Variants in PCDHGA10 observed in about 807,000 individuals in gnomAD.
PCDHGA10 encodes the protein protocadherin gamma subfamily A, 10, also known as protocadherin gamma-A10.
A neutral mutation model predicts 59.5 loss-of-function variants in PCDHGA10; 42 were observed. The ratio of observed to expected loss-of-function variants is 0.71; its 90% CI spans 0.55 to 0.91. The LOEUF (loss-of-function observed/expected upper bound fraction) is 0.91. Ranked by LOEUF, PCDHGA10 falls within the 40% of genes least tolerant of loss-of-function variation. The probability of loss-of-function intolerance (pLI) is 0.00; values close to 1 mark genes in which losing one functional copy is unlikely to be tolerated. For missense variants in PCDHGA10, 1,111 were observed against 1,198.2 expected (o/e 0.93, Z 1.07); for synonymous variants, 511 against 517.2 (o/e 0.99, Z 0.16).
chr5:141,428,188 G>A (rs1023078587), intron 1 of PCDHGA10: 3 of 1,433,350 alleles, frequency 2.1e-6, no homozygotes, highest in Admixed American at 1.8e-5. Flanking sequence ...GACAGCCGCC[G>A]CTCTCTGCGC....
At chr5:141,438,210 A>G (rs1228726792) in intron 1 of PCDHGA10, among the ~76,000 whole-genome samples, 2 of 152,188 alleles carry the variant, frequency 1.3e-5, no homozygotes, top group Non-Finnish European at 2.9e-5. Flanking sequence ...ACCATATGGG[A>G]AGGGCTCTGG....
At chr5:141,449,202 C>T (rs77980623) in intron 1 of PCDHGA10, among the ~76,000 whole-genome samples, 7,411 of 152,148 alleles carry the variant, frequency 0.049, 284 homozygotes, top group African/African-American at 0.1. Context: ...AGTGTTAATT[C>T]TAACTTTCTG....
intron 1 of PCDHGA10, among the ~76,000 whole-genome samples, chr5:141,474,082 C>CA (rs1449032579): frequency 1.3e-5 from 2 of 152,064 alleles, no homozygotes; most frequent in African/African-American, 4.8e-5. Context: ...AAACAAAAAC[C>CA]AAAAAACAAA....
At chr5:141,417,943 G>A (rs772925118) in intron 1 of PCDHGA10, 2 of 1,613,194 alleles carry the variant, frequency 1.2e-6, no homozygotes, top group Admixed American at 1.7e-5. Flanking sequence ...TCTACCCCAC[G>A]CTGTGTGAGC....
Position 141,417,818 on chromosome 5 carries a change from C to T in PCDHGA10, c.2436+2207C>T, listed in dbSNP as rs59981184. 5.7e-4 allele frequency: 859 copies of T among 1,512,530 alleles called. 1 individual carries two copies. The African/African-American group carries it at 0.011, about 19-fold the overall frequency. 93.7% of individuals were successfully genotyped at this position (1,512,530 alleles called of 1,614,324 possible). On this transcript the variant is annotated intron_variant, in intron 1 of 3. Coordinates refer to ENST00000398610, the MANE Select transcript of PCDHGA10 (RefSeq NM_018913.3). ...TTTAGCGCGGTAGAGTGCACTTTCTCCAACTGGAAAAGCGGGGACCCAGCG... is the reference window on the plus strand; with the variant it reads ...TTTAGCGCGGTAGAGTGCACTTTCTTCAACTGGAAAAGCGGGGACCCAGCG...
At chr5:141,416,215 A>G (rs969061407) in intron 1 of PCDHGA10, 1 of 152,400 alleles carries the variant, frequency 6.6e-6, no homozygotes, top group Non-Finnish European at 1.5e-5. Flanking sequence ...ATAACAATGT[A>G]TGCTTAGATT....
At chr5:141,421,889 C>T (rs1280668349) in intron 1 of PCDHGA10, 5 of 1,613,574 alleles carry the variant, frequency 3.1e-6, no homozygotes, top group African/African-American at 1.3e-5. Flanking sequence ...GGAGGCGATC[C>T]CATCCGAAAG....
intron 1 of PCDHGA10, among the ~76,000 whole-genome samples, chr5:141,472,648 C>G (rs762736307): frequency 1.3e-5 from 2 of 151,864 alleles, no homozygotes; most frequent in African/African-American, 4.8e-5. Flanking sequence ...TGTGTTGAAT[C>G]AGTATATAAA....
Position 141,421,056 on chromosome 5 carries a change from A to G in PCDHGA10, c.2436+5445A>G, listed in dbSNP as rs1378326708. On this transcript the variant is annotated intron_variant, in intron 1 of 3. Coordinates refer to ENST00000398610, the MANE Select transcript of PCDHGA10 (RefSeq NM_018913.3). ...TCCCTCCCTCCCCCGCCTCTACCACACAAAGCGGAATGAGATGGATACTCA... is the reference window on the plus strand; with the variant it reads ...TCCCTCCCTCCCCCGCCTCTACCACGCAAAGCGGAATGAGATGGATACTCA... 5 of 576,490 alleles carry G rather than the reference A, an allele frequency of 8.7e-6. No individual in the cohort carries two copies. In the East Asian group the frequency reaches 9.2e-5, roughly 11 times the overall value. The allele number at this position is 576,490 out of a possible 1,614,324, so 35.7% of individuals were successfully genotyped here. A position where few individuals can be genotyped will look rare whatever the true frequency, so the allele number is the denominator to read the frequency against.
At chr5:141,470,252 C>T (rs1010559144) in intron 1 of PCDHGA10, among the ~76,000 whole-genome samples, 3 of 152,160 alleles carry the variant, frequency 2.0e-5, no homozygotes, top group Admixed American at 1.3e-4. Context: ...TCCCACCTGT[C>T]TAAATGGAGA....
intron 1 of PCDHGA10, among the ~76,000 whole-genome samples, chr5:141,471,692 C>A (rs1293253544): frequency 6.6e-6 from 1 of 152,118 alleles, no homozygotes; most frequent in African/African-American, 2.4e-5. Context: ...TTCTGAAATT[C>A]TGGCTGGAAT....
intron 1 of PCDHGA10, chr5:141,418,829 C>A: frequency 1.9e-6 from 3 of 1,613,856 alleles, no homozygotes; most frequent in Non-Finnish European, 1.7e-6. Context: ...AGCAAAAGAC[C>A]GAGGATCTCT....
intron 1 of PCDHGA10, 38 bp downstream of exon 1, chr5:141,415,649 A>T: frequency 1.9e-6 from 3 of 1,597,710 alleles, no homozygotes; most frequent in Non-Finnish European, 2.6e-6. Context: ...GTTAAAAAAA[A>T]AAAGATTGGT....
In PCDHGA10 at chr5:141,413,118, G is replaced by C. The variant is rs999214227; in HGVS notation, c.-58G>C. 1 of 1,517,152 alleles carries C rather than the reference G, an allele frequency of 6.6e-7. No homozygotes were observed. The highest frequency in any genetic ancestry group is 8.9e-7 in the Non-Finnish European group (1 of 1,129,376). The allele number at this position is 1,517,152 out of a possible 1,614,324, so 94.0% of individuals were successfully genotyped here. On this transcript the variant is annotated 5_prime_UTR_variant, in exon 1 of 4. Coordinates refer to ENST00000398610, the MANE Select transcript of PCDHGA10 (RefSeq NM_018913.3). Reference sequence around the variant, plus strand: ...GAAGCCACAGAAAGACAAAGGAACCGGTTGAAACACACAACGTGTCCAGTG... The same window carrying C: ...GAAGCCACAGAAAGACAAAGGAACCCGTTGAAACACACAACGTGTCCAGTG...
chr5:141,510,839 C>T (rs186647886), intron 3 of PCDHGA10, 108 bp from the exon 4 acceptor site: 36 of 1,586,990 alleles, frequency 2.3e-5, no homozygotes, highest in Non-Finnish European at 3.1e-5. Context: ...TCAGCGTGGT[C>T]AAGGCCCAGG....
chr5:141,506,994 G>A (rs1053891468), intron 3 of PCDHGA10: 1 of 152,126 alleles, frequency 6.6e-6, no homozygotes, highest in Non-Finnish European at 1.5e-5. Context: ...TCTCACACTC[G>A]ACAGATGAGA....
At chr5:141,423,549 C>T (rs748764057) in intron 1 of PCDHGA10, 113 of 1,613,568 alleles carry the variant, frequency 7.0e-5, no homozygotes, top group Non-Finnish European at 8.7e-5. Flanking sequence ...TCCCCCAGCC[C>T]AACTATGGGG....
At chr5:141,424,762 A>T (rs1002777641) in intron 1 of PCDHGA10, 8 of 152,124 alleles carry the variant, frequency 5.3e-5, no homozygotes, top group African/African-American at 1.9e-4. Context: ...GGTCATTCTT[A>T]TGGCAAATAG....
intron 1 of PCDHGA10, chr5:141,441,139 G>C (rs1000704603): frequency 6.6e-6 from 1 of 152,172 alleles, no homozygotes; most frequent in African/African-American, 2.4e-5. Context: ...ATTTCTAGAA[G>C]ATAATGACAA....
Sources: gnomAD v4.1 joint callset for allele counts (sites outside exome capture counted in the v4.1 genomes callset) on GRCh38, gnomAD v4.1.1 for gene constraint, MANE v1.5 for transcripts, NCBI Gene and HGNC (gene_info 2026-07-23, HGNC 2026-07-21) for gene names.